CNTNAP2: variants seen among roughly 807,000 people sequenced by gnomAD.
CNTNAP2 encodes the protein contactin associated protein 2, also known as contactin-associated protein-like 2.
A neutral mutation model predicts 155.2 loss-of-function variants in CNTNAP2; 98 were observed. That is an observed-to-expected ratio of 0.63 (90% confidence interval 0.54 to 0.75). The LOEUF (loss-of-function observed/expected upper bound fraction) is 0.75, where lower values mean the gene tolerates loss of function less well. Among genes scored for constraint, CNTNAP2 ranks in the 30% least tolerant of loss-of-function variants. The pLI, the probability that CNTNAP2 is intolerant of heterozygous loss-of-function variation, is 0.00. For synonymous variants in CNTNAP2, 651 were observed against 631.2 expected, an observed-to-expected ratio of 1.03 and a Z score of -0.47; for missense variants, 1,727 against 1,688.1, an observed-to-expected ratio of 1.02 and a Z score of -0.40.
chr7:147,644,221 C>T (rs1795329215), intron 13 of CNTNAP2, among the ~76,000 whole-genome samples: 1 of 152,194 alleles, frequency 6.6e-6, no homozygotes, highest in Non-Finnish European at 1.5e-5. Flanking sequence ...TGGATGTCTA[C>T]ATGATTTATA....
intron 1 of CNTNAP2, among the ~76,000 whole-genome samples, chr7:146,630,675 AC>A (rs1799496197): frequency 6.6e-6 from 1 of 151,978 alleles, no homozygotes; most frequent in Non-Finnish European, 1.5e-5. Context: ...TGCCATTCTG[AC>A]TGGCATGAGA....
chr7:147,550,503 C>T (rs1455591090), intron 11 of CNTNAP2, among the ~76,000 whole-genome samples: 1 of 152,132 alleles, frequency 6.6e-6, no homozygotes, highest in Non-Finnish European at 1.5e-5. Flanking sequence ...AACTGGGAGT[C>T]CATTAAACTA....
chr7:148,364,793 C>G (rs113788756), intron 21 of CNTNAP2, among the ~76,000 whole-genome samples: 6,957 of 152,252 alleles, frequency 0.046, 192 homozygotes, highest in African/African-American at 0.071. Context: ...GCTGCCCGAG[C>G]CAGCATTGGC....
intron 13 of CNTNAP2, among the ~76,000 whole-genome samples, chr7:147,872,956 A>G (rs143183079): frequency 6.6e-6 from 1 of 152,398 alleles, no homozygotes; most frequent in African/African-American, 2.4e-5. Context: ...GATAAGAGAT[A>G]CCATTCAATA....
At chr7:147,213,331 A>T (rs575508426) in intron 8 of CNTNAP2, among the ~76,000 whole-genome samples, 1 of 152,238 alleles carries the variant, frequency 6.6e-6, no homozygotes, top group South Asian at 2.1e-4. Context: ...CATCTTCTTT[A>T]CTCAGTTTGC....
intron 2 of CNTNAP2, among the ~76,000 whole-genome samples, chr7:146,826,067 C>T (rs1803394432): frequency 6.6e-6 from 1 of 152,096 alleles, no homozygotes; most frequent in Non-Finnish European, 1.5e-5. Context: ...AGCTGAGCCT[C>T]TGCCCCAGAA....
At chr7:147,451,661 C>A (rs1797835992) in intron 10 of CNTNAP2, among the ~76,000 whole-genome samples, 2 of 151,856 alleles carry the variant, frequency 1.3e-5, no homozygotes, top group Non-Finnish European at 2.9e-5. Context: ...AACTCCCACA[C>A]CTTCTTGCCT....
chr7:146,550,382 C>G (rs1315967008), intron 1 of CNTNAP2, among the ~76,000 whole-genome samples: 1 of 134,324 alleles, frequency 7.4e-6, no homozygotes, highest in African/African-American at 3.0e-5. Context: ...AACCTTATAG[C>G]AGTGAGGTCC....
chr7:146,712,174 ATG>A (rs1801096537), intron 1 of CNTNAP2, among the ~76,000 whole-genome samples: 1 of 104,786 alleles, frequency 9.5e-6, no homozygotes, highest in African/African-American at 4.8e-5. Context: ...GTATACAAAT[ATG>A]TATACATATC....
chr7:146,162,299 C>G (rs1051445096), intron 1 of CNTNAP2, among the ~76,000 whole-genome samples: 42 of 152,040 alleles, frequency 2.8e-4, no homozygotes, highest in Non-Finnish European at 1.2e-4. Flanking sequence ...CTACAAAGAA[C>G]AAATTTACAA....
intron 13 of CNTNAP2, among the ~76,000 whole-genome samples, chr7:147,725,884 G>T (rs1796633307): frequency 6.6e-6 from 1 of 151,962 alleles, no homozygotes; most frequent in African/African-American, 2.4e-5. Context: ...AGGAGGAGGT[G>T]GCTTTTAGTC....
chr7:146,678,934 T>G (rs1397627582), intron 1 of CNTNAP2, among the ~76,000 whole-genome samples: 3 of 152,186 alleles, frequency 2.0e-5, no homozygotes, highest in African/African-American at 7.2e-5. Flanking sequence ...CTTATAAAAT[T>G]TATGGCAACT....
intron 12 of CNTNAP2, among the ~76,000 whole-genome samples, chr7:147,622,342 C>T (rs1584861323): frequency 6.6e-6 from 1 of 151,924 alleles, no homozygotes; most frequent in East Asian, 1.9e-4. Flanking sequence ...CACATTCTTT[C>T]CCTCAGTATA....
intron 1 of CNTNAP2, among the ~76,000 whole-genome samples, chr7:146,317,423 G>A (rs1192798432): frequency 1.3e-5 from 2 of 152,084 alleles, no homozygotes; most frequent in Admixed American, 6.6e-5. Context: ...TTTCCTGCAT[G>A]TTGTACCTGA....
intron 1 of CNTNAP2, among the ~76,000 whole-genome samples, chr7:146,312,411 G>A (rs181991822): frequency 1.3e-5 from 2 of 151,556 alleles, no homozygotes; most frequent in East Asian, 1.9e-4. Context: ...GTGTGTTGGC[G>A]ATTTTTTATG....
intron 18 of CNTNAP2, among the ~76,000 whole-genome samples, chr7:148,182,738 G>A (rs1795058483): frequency 6.6e-6 from 1 of 152,186 alleles, no homozygotes; most frequent in African/African-American, 2.4e-5. Flanking sequence ...AACAAATTAT[G>A]AAGAGCCAGC....
At position 148,047,338 on chromosome 7, in the gene CNTNAP2, C is replaced by T. The variant is rs1003656505; in HGVS notation, c.2383+69349C>T. Among the ~76,000 whole-genome samples, 10 of 152,258 alleles carry T rather than the reference C, an allele frequency of 6.6e-5. No homozygotes were observed. The East Asian group carries it at 1.9e-3, about 29-fold the overall frequency. ...TAACGTTATTTTATGCATGTTTCTGCTTTAAGACATCTTACTTAACATATG... is the reference window on the plus strand; with the variant it reads ...TAACGTTATTTTATGCATGTTTCTGTTTTAAGACATCTTACTTAACATATG... On this transcript the variant is annotated intron_variant, in intron 15 of 23. Coordinates refer to ENST00000361727, the MANE Select transcript of CNTNAP2 (RefSeq NM_014141.6).
At position 147,667,200 on chromosome 7, in the gene CNTNAP2, G is replaced by A. The variant is rs974014260; in HGVS notation, c.2098+27894G>A. On this transcript the variant is annotated intron_variant, in intron 13 of 23. Transcript: ENST00000361727. ...GTCTGCAAGTGCTGATGTGAAGACAGCTGAAGAATTTCTGAAAACTCTAGT... is the reference window on the plus strand; with the variant it reads ...GTCTGCAAGTGCTGATGTGAAGACAACTGAAGAATTTCTGAAAACTCTAGT... Among the ~76,000 whole-genome samples the A allele has an allele frequency of 1.2e-4, 19 of 152,212 alleles. 1 individual carries two copies. The highest frequency in any genetic ancestry group is 4.6e-4 in the African/African-American group (19 of 41,458).
chr7:147,223,093 C>G (rs1195683304), intron 8 of CNTNAP2, among the ~76,000 whole-genome samples: 1 of 152,206 alleles, frequency 6.6e-6, no homozygotes, highest in Non-Finnish European at 1.5e-5. Context: ...TGGAGCAAAA[C>G]TCACAAAGTG....
Sources: gnomAD v4.1 joint callset for allele counts (sites outside exome capture counted in the v4.1 genomes callset) on GRCh38, gnomAD v4.1.1 for gene constraint, MANE v1.5 for transcripts, NCBI Gene and HGNC (gene_info 2026-07-23, HGNC 2026-07-21) for gene names.